The following PCDH10 variants were observed in gnomAD, a reference collection of about 807,000 sequenced individuals.
PCDH10 encodes the protein protocadherin-10.
PCDH10 carries 15 observed loss-of-function variants against 74.4 expected under a neutral mutation model. The ratio of observed to expected loss-of-function variants is 0.20; its 90% CI spans 0.13 to 0.31. The LOEUF is 0.31. PCDH10 is among the 10% of genes least tolerant of loss of function. PCDH10 has a pLI of 1.00. For missense variants in PCDH10, 1,260 were observed against 1,390.2 expected (o/e 0.91, Z 1.49); for synonymous variants, 619 against 589.8 (o/e 1.05, Z -0.72).
intron 4 of PCDH10, among the ~76,000 whole-genome samples, chr4:133,170,609 T>C (rs946043495): frequency 6.6e-6 from 1 of 152,190 alleles, no homozygotes; most frequent in Non-Finnish European, 1.5e-5. Flanking sequence ...ATGGCTACTT[T>C]ATTATCAGAA....
At chr4:133,187,778 A>C (rs946815438) in intron 4 of PCDH10, among the ~76,000 whole-genome samples, 1 of 152,098 alleles carries the variant, frequency 6.6e-6, no homozygotes, top group Non-Finnish European at 1.5e-5. Flanking sequence ...TGTGTTCTTA[A>C]AACTGTGAAC....
At chr4:133,176,127 T>A (rs1727290440) in intron 4 of PCDH10, among the ~76,000 whole-genome samples, 1 of 152,166 alleles carries the variant, frequency 6.6e-6, no homozygotes, top group Non-Finnish European at 1.5e-5. Context: ...GAAGGTATCA[T>A]TTTTATTTTG....
At chr4:133,199,216 AGGT>A (rs1443794223), downstream of PCDH10, among the ~76,000 whole-genome samples, 1 of 151,284 alleles carries the variant, frequency 6.6e-6, no homozygotes, top group Non-Finnish European at 1.5e-5. Flanking sequence ...TGAGCTGGAG[AGGT>A]GGCGGTTGCA....
At chr4:133,172,278 T>A (rs550530067) in intron 4 of PCDH10, among the ~76,000 whole-genome samples, 5 of 152,108 alleles carry the variant, frequency 3.3e-5, no homozygotes, top group Non-Finnish European at 5.9e-5. Flanking sequence ...GAGCAATATT[T>A]CTTCTTAAAA....
At position 133,152,060 on chromosome 4, in the gene PCDH10, A is replaced by C. The variant is rs1726721098; in HGVS notation, c.1920A>C (p.Thr640=). The part of the protein sequence containing the change: ...RMDWRTGELR[T]ARRVPAKRDP... ...ACTGGCGCACCGGGGAGCTGCGCAC[A>C]GCACGCCGAGTCCCGGCCAAGCGCG... Residue 640 remains threonine, a synonymous_variant, in exon 1 of 5, where the codon ACA becomes ACC. Coordinates refer to ENST00000264360, the MANE Select transcript of PCDH10 (RefSeq NM_032961.3). 6.2e-7 allele frequency: 1 copy of C among 1,607,470 alleles called. No individual in the cohort carries two copies. Among genetic ancestry groups the C allele is most frequent in the African/African-American group, 1.3e-5 (1 of 74,842 alleles).
chr4:133,159,456 G>T (rs1467351507), intron 3 of PCDH10, among the ~76,000 whole-genome samples: 1 of 151,954 alleles, frequency 6.6e-6, no homozygotes, highest in Non-Finnish European at 1.5e-5. Flanking sequence ...GCAAGTAAAA[G>T]GTATATGTTG....
chr4:133,177,003 T>C (rs978751447), intron 4 of PCDH10, among the ~76,000 whole-genome samples: 2 of 152,066 alleles, frequency 1.3e-5, no homozygotes, highest in African/African-American at 4.8e-5. Context: ...TGAAAATCAA[T>C]GTCCATATAG....
In PCDH10 at chr4:133,151,380, A is replaced by G; in HGVS notation, c.1240A>G (p.Thr414Ala). 2 of 1,613,906 alleles carry G rather than the reference A, an allele frequency of 1.2e-6. No homozygotes were observed. Among genetic ancestry groups the G allele is most frequent in the Non-Finnish European group, 1.7e-6 (2 of 1,179,962 alleles). ...RLKSSFKNYY[T>A]IVTEAPLDRE... ...CAAGTCTTCCTTTAAGAATTACTAC[A>G]CCATCGTTACCGAAGCCCCCCTGGA... The change falls in exon 1 of 5, where the codon ACC (threonine) becomes GCC (alanine). Residue 414 changes from threonine to alanine, a missense_variant. Around this residue, in one of 11 missense-constraint regions of PCDH10, gnomAD observed 112 missense variants for 123.6 expected, o/e 0.91. Coordinates refer to ENST00000264360, the MANE Select transcript of PCDH10 (RefSeq NM_032961.3).
In PCDH10 at chr4:133,149,520, C is replaced by G. The variant is rs953832910; in HGVS notation, c.-621C>G. Reference sequence around the variant, plus strand: ...ATAGAGCGAAAGAGGAAAAAAATGTCAAGAAGAACATCCATCCGGAGAAAT... The same window carrying G: ...ATAGAGCGAAAGAGGAAAAAAATGTGAAGAAGAACATCCATCCGGAGAAAT... On this transcript the variant is annotated 5_prime_UTR_variant, in exon 1 of 5. It introduces an in-frame stop codon into an upstream open reading frame of the 5' UTR. Transcript: ENST00000264360. The G allele has an allele frequency of 1.3e-5, 2 of 152,320 alleles. No individual in the cohort carries two copies. The highest frequency in any genetic ancestry group is 2.9e-5 in the Non-Finnish European group (2 of 68,166). The allele number at this position is 152,320 out of a possible 1,614,324, so 9.4% of individuals were successfully genotyped here.
At chr4:133,168,545 C>T (rs1727135080) in intron 4 of PCDH10, among the ~76,000 whole-genome samples, 1 of 151,376 alleles carries the variant, frequency 6.6e-6, no homozygotes, top group Admixed American at 6.6e-5. Context: ...GTGGTTCACC[C>T]CAACCTTTAT....
intron 2 of PCDH10, among the ~76,000 whole-genome samples, chr4:133,201,693 C>T (rs1727912309): frequency 1.3e-5 from 2 of 151,822 alleles, no homozygotes; most frequent in African/African-American, 4.8e-5. Flanking sequence ...CCCGTCTCTA[C>T]TAAAAATACA....
chr4:133,178,950 G>T (rs1266644179), intron 4 of PCDH10, among the ~76,000 whole-genome samples: 9 of 152,014 alleles, frequency 5.9e-5, no homozygotes, highest in African/African-American at 1.9e-4. Flanking sequence ...CCTAAATTTT[G>T]TTGCTGTGGA....
intron 3 of PCDH10, among the ~76,000 whole-genome samples, chr4:133,160,929 G>A (rs1482692130): frequency 6.6e-6 from 1 of 151,700 alleles, no homozygotes; most frequent in Non-Finnish European, 1.5e-5. Context: ...TTAATAAATA[G>A]GCAGCACTTA....
intron 1 of PCDH10, chr4:133,154,013 T>G (rs747934463): frequency 3.8e-5 from 13 of 338,650 alleles, no homozygotes; most frequent in African/African-American, 8.8e-5. Flanking sequence ...GACAATAGTA[T>G]ATGAGCTCTA....
chr4:133,202,969 G>A (rs1445130707), intron 2 of PCDH10, among the ~76,000 whole-genome samples: 1 of 152,140 alleles, frequency 6.6e-6, no homozygotes, highest in Non-Finnish European at 1.5e-5. Context: ...GAGTATATTA[G>A]AGGATCAAGT....
rs1017992722 is a variant in PCDH10 at position 133,184,629 on chromosome 4, C to T, written c.3104-5512C>T. 1.6e-4 allele frequency among the ~76,000 whole-genome samples: 24 copies of T among 146,440 alleles called. No individual in the cohort carries two copies. In the East Asian group the frequency reaches 4.8e-3, roughly 29 times the overall value. On this transcript the variant is annotated intron_variant, in intron 4 of 4. Coordinates refer to ENST00000264360, the MANE Select transcript of PCDH10 (RefSeq NM_032961.3). Reference sequence around the variant, plus strand: ...GTGTCTCAAAAATAAATAAATAAACCGGTTTTATTATCTATAAATATAAAT... The same window carrying T: ...GTGTCTCAAAAATAAATAAATAAACTGGTTTTATTATCTATAAATATAAAT...
intron 1 of PCDH10, 127 bp downstream of exon 1, chr4:133,152,898 G>C: frequency 2.0e-6 from 3 of 1,474,126 alleles, no homozygotes; most frequent in Non-Finnish European, 2.7e-6. Flanking sequence ...TATCGTTGTG[G>C]GAGCAGAGAT....
At chr4:133,202,033 C>T (rs1427504383) in intron 2 of PCDH10, among the ~76,000 whole-genome samples, 2 of 151,958 alleles carry the variant, frequency 1.3e-5, no homozygotes, top group African/African-American at 4.8e-5. Flanking sequence ...TTTTAGACCC[C>T]CATTAGCTCC....
rs1578556424 is a variant in PCDH10 at position 133,151,496 on chromosome 4, A to T, written c.1356A>T (p.Gln452His). 1 of 1,614,082 alleles carries T rather than the reference A, an allele frequency of 6.2e-7. No homozygotes were observed. The highest frequency in any genetic ancestry group is 2.2e-5 in the East Asian group (1 of 44,838). Residue 452 changes from glutamine to histidine, a missense_variant, in exon 1 of 5, where the codon CAA becomes CAT. By Grantham distance (24) the Gln-to-His change is conservative. Transcript: ENST00000264360. The part of the protein sequence containing the change: ...ALSTSKSIQV[Q>H]VSDVNDNAPR... ...CCACCAGTAAGTCGATCCAGGTACA[A>T]GTGTCGGATGTGAACGACAACGCGC...
Sources: gnomAD v4.1 joint callset for allele counts (sites outside exome capture counted in the v4.1 genomes callset) on GRCh38, gnomAD v4.1.1 for gene constraint, gnomAD v4.1.1 regional missense constraint, MANE v1.5 for transcripts, NCBI Gene and HGNC (gene_info 2026-07-23, HGNC 2026-07-21) for gene names.